Variants in FBXL7 observed in about 807,000 individuals in gnomAD.
The protein encoded by FBXL7 is F-box/LRR-repeat protein 7.
In FBXL7, 12 loss-of-function variants were observed where a neutral mutation model predicts 38.3. The ratio of observed to expected loss-of-function variants is 0.31; its 90% CI spans 0.20 to 0.51. The LOEUF (loss-of-function observed/expected upper bound fraction) is 0.51, where lower values mean the gene tolerates loss of function less well. Among genes scored for constraint, FBXL7 ranks in the 20% least tolerant of loss-of-function variants. FBXL7 has a pLI of 0.98. For synonymous variants in FBXL7, 297 were observed against 300.9 expected, an observed-to-expected ratio of 0.99 and a Z score of 0.13; for missense variants, 567 against 676.4, an observed-to-expected ratio of 0.84 and a Z score of 1.79.
chr5:15,641,225 C>T (rs1741359284), intron 2 of FBXL7, among the ~76,000 whole-genome samples: 1 of 152,206 alleles, frequency 6.6e-6, no homozygotes, highest in Non-Finnish European at 1.5e-5. Flanking sequence ...CCTAGTCCCA[C>T]CTAAACCTTT....
intron 1 of FBXL7, among the ~76,000 whole-genome samples, chr5:15,525,319 T>A (rs192413611): frequency 2.8e-4 from 43 of 152,324 alleles, no homozygotes; most frequent in Middle Eastern, 6.8e-3. Flanking sequence ...TGTCTTAAAA[T>A]CTTTTTCTGT....
intron 2 of FBXL7, among the ~76,000 whole-genome samples, chr5:15,779,325 A>G (rs1736934697): frequency 6.6e-6 from 1 of 152,142 alleles, no homozygotes; most frequent in Admixed American, 6.6e-5. Flanking sequence ...ATATATTTCA[A>G]GGTAGCTAGA....
At chr5:15,730,845 T>A (rs1040065140) in intron 2 of FBXL7, among the ~76,000 whole-genome samples, 2 of 152,218 alleles carry the variant, frequency 1.3e-5, no homozygotes, top group African/African-American at 4.8e-5. Flanking sequence ...AATATTGTTA[T>A]CATGGATGAC....
chr5:15,582,217 G>T (rs943480390), intron 1 of FBXL7, among the ~76,000 whole-genome samples: 1 of 152,202 alleles, frequency 6.6e-6, no homozygotes, highest in African/African-American at 2.4e-5. Context: ...GGGATTACAG[G>T]TGTGAGGCAC....
intron 1 of FBXL7, among the ~76,000 whole-genome samples, chr5:15,548,648 A>G (rs1471323911): frequency 6.6e-6 from 1 of 152,202 alleles, no homozygotes; most frequent in Non-Finnish European, 1.5e-5. Flanking sequence ...TTATTTGCCA[A>G]AGTTAAGGAC....
At chr5:15,556,649 A>T (rs1256741850) in intron 1 of FBXL7, among the ~76,000 whole-genome samples, 2 of 152,240 alleles carry the variant, frequency 1.3e-5, no homozygotes, top group Non-Finnish European at 2.9e-5. Flanking sequence ...GGGAGTACTC[A>T]GAACAGAATT....
chr5:15,750,117 T>C (rs1736118316), intron 2 of FBXL7, among the ~76,000 whole-genome samples: 1 of 152,212 alleles, frequency 6.6e-6, no homozygotes, highest in Non-Finnish European at 1.5e-5. Flanking sequence ...TTTGTGTCTA[T>C]TTTAGGTGCT....
intron 2 of FBXL7, among the ~76,000 whole-genome samples, chr5:15,662,179 C>T (rs1264785513): frequency 6.6e-6 from 1 of 151,960 alleles, no homozygotes; most frequent in Non-Finnish European, 1.5e-5. Context: ...GCAACCTCAC[C>T]AGCATCTGTT....
rs140929494 is a variant in FBXL7 at position 15,763,836 on chromosome 5, G to T, written c.127+147764G>T. Among the ~76,000 whole-genome samples, 1,005 of 152,302 alleles carry T rather than the reference G, an allele frequency of 6.6e-3. 12 individuals are homozygous for T. The highest frequency in any genetic ancestry group is 0.023 in the African/African-American group (948 of 41,558). ...CTATATGAGAAGGGATTTATTATGGGAATAGGCTCCTGCAATTATGGTGGC... is the reference window on the plus strand; with the variant it reads ...CTATATGAGAAGGGATTTATTATGGTAATAGGCTCCTGCAATTATGGTGGC... On this transcript the variant is annotated intron_variant, in intron 2 of 3. Coordinates refer to ENST00000504595, the MANE Select transcript of FBXL7 (RefSeq NM_012304.5).
At chr5:15,812,112 A>T (rs188831450) in intron 2 of FBXL7, among the ~76,000 whole-genome samples, 2 of 152,348 alleles carry the variant, frequency 1.3e-5, no homozygotes, top group Admixed American at 1.3e-4. Flanking sequence ...GATACATTAG[A>T]TAAAGAAAAT....
intron 1 of FBXL7, among the ~76,000 whole-genome samples, chr5:15,605,596 A>C (rs1739979223): frequency 6.6e-6 from 1 of 152,144 alleles, no homozygotes; most frequent in South Asian, 2.1e-4. Context: ...AGGAATGAGG[A>C]GTTATTATTT....
chr5:15,677,484 G>GAGAGAGAA (rs1742701573), intron 2 of FBXL7, among the ~76,000 whole-genome samples: 1 of 151,498 alleles, frequency 6.6e-6, no homozygotes, highest in South Asian at 2.1e-4. Context: ...AAGAGAGAGA[G>GAGAGAGAA]AGAGAGAAAG....
intron 2 of FBXL7, among the ~76,000 whole-genome samples, chr5:15,855,634 G>T (rs557280714): frequency 6.6e-6 from 1 of 152,200 alleles, no homozygotes; most frequent in Admixed American, 6.5e-5. Flanking sequence ...TCTTTGTAGA[G>T]AAATATATTT....
chr5:15,516,825 GC>G (rs1171858283), intron 1 of FBXL7, among the ~76,000 whole-genome samples: 1 of 151,962 alleles, frequency 6.6e-6, no homozygotes, highest in African/African-American at 2.4e-5. Context: ...CCTTGCTGCT[GC>G]CATGTGAGGA....
At chr5:15,621,695 A>G (rs772820073) in intron 2 of FBXL7, among the ~76,000 whole-genome samples, 21 of 152,216 alleles carry the variant, frequency 1.4e-4, no homozygotes, top group Non-Finnish European at 2.2e-4. Context: ...TGTCAGTTTA[A>G]AGGTCAAATT....
chr5:15,778,363 A>G (rs1736910254), intron 2 of FBXL7, among the ~76,000 whole-genome samples: 1 of 152,052 alleles, frequency 6.6e-6, no homozygotes, highest in Non-Finnish European at 1.5e-5. Context: ...GCTCCTCAAC[A>G]TCTCTGGCTT....
chr5:15,616,122 A>AT (rs767371829), intron 2 of FBXL7, 50 bp downstream of exon 2: 3 of 1,334,426 alleles, frequency 2.2e-6, no homozygotes, highest in Non-Finnish European at 3.2e-6. Flanking sequence ...AGGGCTGGCT[A>AT]TTTTTGGAAC....
chr5:15,601,349 G>A (rs55958253), intron 1 of FBXL7, among the ~76,000 whole-genome samples: 5 of 152,302 alleles, frequency 3.3e-5, no homozygotes, highest in Non-Finnish European at 7.3e-5. Context: ...GTATTACAAT[G>A]GAAATTCTTG....
intron 1 of FBXL7, among the ~76,000 whole-genome samples, chr5:15,582,800 C>G (rs1331120133): frequency 6.6e-6 from 1 of 152,200 alleles, no homozygotes; most frequent in Admixed American, 6.5e-5. Context: ...AGCCCCCTCA[C>G]CCTACTAATG....
Sources: gnomAD v4.1 joint callset for allele counts (sites outside exome capture counted in the v4.1 genomes callset) on GRCh38, gnomAD v4.1.1 for gene constraint, MANE v1.5 for transcripts, NCBI Gene and HGNC (gene_info 2026-07-23, HGNC 2026-07-21) for gene names.